HECW2: variants seen among roughly 807,000 people sequenced by gnomAD.
The protein encoded by HECW2 is HECT, C2 and WW domain containing E3 ubiquitin protein ligase 2.
Under a neutral mutation model 175.2 loss-of-function variants are expected in HECW2, and 61 were observed. The observed-to-expected ratio is 0.35, with a 90% CI of 0.28 to 0.43. HECW2 has a LOEUF of 0.43. HECW2 is among the 20% of genes least tolerant of loss of function. The pLI is 1.00. For synonymous variants in HECW2, 671 were observed against 731.0 expected, an observed-to-expected ratio of 0.92 and a Z score of 1.32; for missense variants, 1,524 against 2,000.5, an observed-to-expected ratio of 0.76 and a Z score of 4.54.
At chr2:196,365,145 C>T (rs1262150756) in intron 2 of HECW2, among the ~76,000 whole-genome samples, 1 of 152,198 alleles carries the variant, frequency 6.6e-6, no homozygotes, top group African/African-American at 2.4e-5. Context: ...TAATTATACA[C>T]AATTAAAGAC....
At chr2:196,554,542 G>A (rs1689730886) in intron 1 of HECW2, among the ~76,000 whole-genome samples, 1 of 152,144 alleles carries the variant, frequency 6.6e-6, no homozygotes. Context: ...GAGGAGGATG[G>A]TCAAACAGCA....
At chr2:196,421,631 C>T (rs184536138) in intron 2 of HECW2, among the ~76,000 whole-genome samples, 21 of 152,252 alleles carry the variant, frequency 1.4e-4, no homozygotes, top group African/African-American at 5.1e-4. Context: ...TTCTAAACCG[C>T]ATGCAAAAGC....
At chr2:196,393,253 T>G (rs549876720) in intron 2 of HECW2, among the ~76,000 whole-genome samples, 18 of 152,230 alleles carry the variant, frequency 1.2e-4, no homozygotes, top group Admixed American at 5.9e-4. Context: ...ACTTCATGAC[T>G]GACTAAAACA....
In HECW2 at chr2:196,433,149, A is replaced by G. The variant is rs767318992; in HGVS notation, c.275T>C (p.Ile92Thr). ...TGACTCACCTATATGATAAAGTCCA[A>G]TCCAATCACTGGGGTCCACCTCCTC... ...IKEEVDPSDW[I>T]GLYHIDENSP... Residue 92 changes from isoleucine (I) to threonine (T), a missense_variant, in exon 2 of 29, where the codon ATT becomes ACT. Coordinates refer to ENST00000644978, the MANE Select transcript of HECW2 (RefSeq NM_001348768.2). The G allele has an allele frequency of 6.2e-7, 1 of 1,612,840 alleles. No homozygotes were observed. The highest frequency in any genetic ancestry group is 8.5e-7 in the Non-Finnish European group (1 of 1,179,028).
intron 17 of HECW2, among the ~76,000 whole-genome samples, chr2:196,270,657 G>A (rs535818084): frequency 4.0e-5 from 6 of 151,272 alleles, no homozygotes; most frequent in East Asian, 1.9e-4. Flanking sequence ...TTCATATTTC[G>A]TTTTTTAAAT....
chr2:196,266,263 C>T (rs1183502070), intron 17 of HECW2, among the ~76,000 whole-genome samples: 1 of 151,338 alleles, frequency 6.6e-6, no homozygotes, highest in Non-Finnish European at 1.5e-5. Flanking sequence ...AGGAGGATGG[C>T]TTGAGCCCAG....
chr2:196,341,567 T>G (rs1237688626), intron 3 of HECW2, among the ~76,000 whole-genome samples: 1 of 152,248 alleles, frequency 6.6e-6, no homozygotes, highest in Non-Finnish European at 1.5e-5. Flanking sequence ...ACCATCCTCA[T>G]TCACATGTTG....
At chr2:196,439,152 T>C (rs186591905) in intron 1 of HECW2, among the ~76,000 whole-genome samples, 53 of 152,318 alleles carry the variant, frequency 3.5e-4, no homozygotes, top group Non-Finnish European at 4.3e-4. Flanking sequence ...GTTTTAAGGA[T>C]TGAAATACTG....
At chr2:196,294,447 C>A (rs1402504816) in intron 13 of HECW2, among the ~76,000 whole-genome samples, 1 of 152,164 alleles carries the variant, frequency 6.6e-6, no homozygotes, top group East Asian at 1.9e-4. Flanking sequence ...CCTCTTCCAG[C>A]TTTATGGGTT....
At chr2:196,350,107 T>TAATC (rs1434746877) in intron 2 of HECW2, among the ~76,000 whole-genome samples, 1 of 152,200 alleles carries the variant, frequency 6.6e-6, no homozygotes, top group Non-Finnish European at 1.5e-5. Context: ...CTCATGCTTG[T>TAATC]AATCCCAGCA....
chr2:196,251,500 T>C (rs1009618079), intron 19 of HECW2, among the ~76,000 whole-genome samples: 2 of 152,320 alleles, frequency 1.3e-5, no homozygotes, highest in East Asian at 1.9e-4. Flanking sequence ...CTCCCATTGA[T>C]GGCCCAAAGA....
At chr2:196,217,962 T>G (rs2105808288) in intron 26 of HECW2, 1 of 152,330 alleles carries the variant, frequency 6.6e-6, no homozygotes, top group Non-Finnish European at 1.5e-5. Context: ...AGTTGTAGGA[T>G]TTGGGAGGAA....
At chr2:196,466,254 G>A (rs1696948815) in intron 1 of HECW2, among the ~76,000 whole-genome samples, 1 of 152,200 alleles carries the variant, frequency 6.6e-6, no homozygotes, top group Non-Finnish European at 1.5e-5. Context: ...CCTTTCAGCA[G>A]TGTGCTAGAG....
intron 4 of HECW2, 97 bp downstream of exon 4, chr2:196,334,327 A>T: frequency 2.3e-6 from 2 of 882,756 alleles, no homozygotes; most frequent in Middle Eastern, 3.5e-4. Flanking sequence ...TTCCTTTTTC[A>T]TTGTTCCTCA....
intron 2 of HECW2, among the ~76,000 whole-genome samples, chr2:196,389,291 C>A (rs1465405032): frequency 6.6e-6 from 1 of 152,122 alleles, no homozygotes; most frequent in Non-Finnish European, 1.5e-5. Context: ...GATGTGTTAC[C>A]AAGAAGACCT....
intron 1 of HECW2, among the ~76,000 whole-genome samples, chr2:196,493,630 G>A (rs1687277860): frequency 6.6e-6 from 1 of 152,146 alleles, no homozygotes; most frequent in Non-Finnish European, 1.5e-5. Context: ...TAAAAAATTA[G>A]GTCTGTGTTT....
At chr2:196,477,675 T>C (rs1270390252) in intron 1 of HECW2, among the ~76,000 whole-genome samples, 1 of 152,174 alleles carries the variant, frequency 6.6e-6, no homozygotes, top group Middle Eastern at 3.2e-3. Flanking sequence ...GACAGAAACA[T>C]TCCAAGCTCC....
At chr2:196,560,280 G>C (rs1435960605) in intron 1 of HECW2, among the ~76,000 whole-genome samples, 1 of 152,058 alleles carries the variant, frequency 6.6e-6, no homozygotes, top group African/African-American at 2.4e-5. Flanking sequence ...CAAGTAGCTG[G>C]GATTACAGGT....
intron 1 of HECW2, among the ~76,000 whole-genome samples, chr2:196,492,705 G>GA (rs1002190846): frequency 3.9e-5 from 6 of 152,146 alleles, no homozygotes; most frequent in African/African-American, 1.2e-4. Context: ...AATTTGGGGG[G>GA]AAAAAAACTG....
Sources: allele counts gnomAD v4.1 joint callset (sites outside exome capture counted in the v4.1 genomes callset), GRCh38; gene constraint gnomAD v4.1.1; transcripts MANE v1.5; gene names NCBI Gene and HGNC (gene_info 2026-07-23, HGNC 2026-07-21).